Variants in PDE10A observed in about 807,000 individuals in gnomAD.
PDE10A encodes the protein phosphodiesterase 10A, also known as cAMP and cAMP-inhibited cGMP 3',5'-cyclic phosphodiesterase 10A.
Under a neutral mutation model 97.7 loss-of-function variants are expected in PDE10A, and 39 were observed. That is an observed-to-expected ratio of 0.40 (90% confidence interval 0.31 to 0.52). PDE10A has a LOEUF of 0.52. Ranked by LOEUF, PDE10A falls within the 20% of genes least tolerant of loss-of-function variation. The probability of loss-of-function intolerance (pLI) is 0.56; values close to 1 mark genes in which losing one functional copy is unlikely to be tolerated. For synonymous variants in PDE10A, 371 were observed against 376.8 expected (o/e 0.98, Z 0.18); for missense variants, 731 against 1,047.8 (o/e 0.70, Z 4.17).
At chr6:165,619,659 A>ATAGTGTAGTG (rs1296539898) in intron 1 of PDE10A, among the ~76,000 whole-genome samples, 19,041 of 63,058 alleles carry the variant, frequency 0.3, 2,873 homozygotes, top group African/African-American at 0.48. Flanking sequence ...CTAGTGTAGT[A>ATAGTGTAGTG]TAGTCTAGTG....
chr6:165,983,921 A>C (rs998843967), intron 1 of PDE10A, among the ~76,000 whole-genome samples: 1 of 152,250 alleles, frequency 6.6e-6, no homozygotes, highest in Non-Finnish European at 1.5e-5. Flanking sequence ...GAAAGCGTGC[A>C]CAGCCGTGTA....
In PDE10A at chr6:165,884,461, C is replaced by T. The variant is rs148070323; in HGVS notation, c.-615+103068G>A. Among the ~76,000 whole-genome samples, 37 of 152,278 alleles carry T rather than the reference C, an allele frequency of 2.4e-4. No homozygotes were observed. In the East Asian group the frequency reaches 7.0e-3, roughly 29 times the overall value. On this transcript the variant is annotated intron_variant, in intron 1 of 19. Coordinates refer to the PDE10A transcript ENST00000366882. ...GGACACAGACAGTTCAGTGACTCACCCAAAGTCCCAGAACCCTCGAGTGGC... is the reference window on the plus strand; with the variant it reads ...GGACACAGACAGTTCAGTGACTCACTCAAAGTCCCAGAACCCTCGAGTGGC...
At chr6:165,847,205 T>G (rs1480791960) in intron 1 of PDE10A, among the ~76,000 whole-genome samples, 1 of 152,190 alleles carries the variant, frequency 6.6e-6, no homozygotes, top group East Asian at 1.9e-4. Flanking sequence ...GTGGCTGAGT[T>G]AGTCCTGAGG....
At chr6:165,707,567 G>A (rs1791745498) in intron 1 of PDE10A, among the ~76,000 whole-genome samples, 1 of 152,164 alleles carries the variant, frequency 6.6e-6, no homozygotes, top group Non-Finnish European at 1.5e-5. Flanking sequence ...CCCTGGAACT[G>A]GACATGCTTG....
At chr6:165,867,769 T>C (rs1366685941) in intron 1 of PDE10A, among the ~76,000 whole-genome samples, 3 of 152,092 alleles carry the variant, frequency 2.0e-5, no homozygotes, top group South Asian at 4.1e-4. Flanking sequence ...ACAGACCATA[T>C]GTTAGGCTGT....
At chr6:165,465,806 G>A (rs373115634) in intron 3 of PDE10A, among the ~76,000 whole-genome samples, 2 of 152,154 alleles carry the variant, frequency 1.3e-5, no homozygotes, top group African/African-American at 4.8e-5. Flanking sequence ...CTTGACACAT[G>A]GGGATTATTA....
rs563731901 is a variant in PDE10A, at chr6:165,685,707, A to G, written c.-614-142139T>C. ...AAAGAAACTCCACAGAGGACCATCC[A>G]CAATGCCTGACCTGGGGTGAGCCCA... On this transcript the variant is annotated intron_variant, in intron 1 of 19. Transcript: ENST00000366882. Among the ~76,000 whole-genome samples, 3 of 152,270 alleles carry G rather than the reference A, an allele frequency of 2.0e-5. No individual in the cohort carries two copies. The South Asian group carries it at 6.2e-4, about 32-fold the overall frequency.
chr6:165,463,675 G>GCCC (rs141516506), intron 3 of PDE10A, among the ~76,000 whole-genome samples: 1 of 151,706 alleles, frequency 6.6e-6, no homozygotes, highest in Non-Finnish European at 1.5e-5. Flanking sequence ...TTGGGAATAA[G>GCCC]CCCCCCCCAA....
At chr6:165,358,264 A>G (rs913669550) in intron 18 of PDE10A, among the ~76,000 whole-genome samples, 5 of 152,114 alleles carry the variant, frequency 3.3e-5, no homozygotes, top group Non-Finnish European at 7.4e-5. Flanking sequence ...ACTTTTACAT[A>G]GTTCTTCTGT....
At chr6:165,891,887 C>T (rs1227653346) in intron 1 of PDE10A, among the ~76,000 whole-genome samples, 2 of 151,956 alleles carry the variant, frequency 1.3e-5, no homozygotes, top group Non-Finnish European at 2.9e-5. Flanking sequence ...CCTTCGTGAT[C>T]ACCCCCATAA....
chr6:165,956,308 G>C (rs1784133054), intron 1 of PDE10A, among the ~76,000 whole-genome samples: 1 of 152,138 alleles, frequency 6.6e-6, no homozygotes. Context: ...TCAAGAGAAG[G>C]AATCAATGCC....
At chr6:165,556,002 G>A (rs535749827) in intron 1 of PDE10A, among the ~76,000 whole-genome samples, 11 of 151,864 alleles carry the variant, frequency 7.2e-5, no homozygotes, top group South Asian at 4.1e-4. Context: ...ACTTGCAGAC[G>A]AACTGCATAG....
chr6:165,786,076 G>A (rs939896575), intron 1 of PDE10A, among the ~76,000 whole-genome samples: 5 of 152,222 alleles, frequency 3.3e-5, no homozygotes, highest in African/African-American at 9.6e-5. Context: ...CCTGAACGAT[G>A]TATTCCAGAA....
intron 1 of PDE10A, among the ~76,000 whole-genome samples, chr6:165,601,654 C>A (rs1016392933): frequency 6.6e-6 from 1 of 152,156 alleles, no homozygotes; most frequent in Admixed American, 6.5e-5. Context: ...AACTTGCTAA[C>A]AGGTAACTAC....
chr6:165,621,498 CTGTAAT>C (rs1788132487), intron 1 of PDE10A, among the ~76,000 whole-genome samples: 1 of 152,134 alleles, frequency 6.6e-6, no homozygotes, highest in African/African-American at 2.4e-5. Flanking sequence ...TGGCTCACGC[CTGTAAT>C]CCCAGCACTT....
intron 1 of PDE10A, among the ~76,000 whole-genome samples, chr6:165,796,162 C>G (rs1442018393): frequency 7.6e-6 from 1 of 130,902 alleles, no homozygotes; most frequent in Admixed American, 9.4e-5. Flanking sequence ...GTGCCGCAAT[C>G]TCGGCTCACT....
rs1790373373 is a variant in PDE10A at position 165,663,045 on chromosome 6, C to T, written c.-234G>A. 6.6e-6 allele frequency among the ~76,000 whole-genome samples: 1 copy of T among 151,296 alleles called. No individual in the cohort carries two copies. Among genetic ancestry groups the T allele is most frequent in the Non-Finnish European group, 1.5e-5 (1 of 67,722 alleles). ...GCCAGGCCCCGGCGACGGCGCCTGG[C>T]TACCCTCAGGCGCGCACAATCGGCG... On this transcript the variant is annotated 5_prime_UTR_variant, in exon 1 of 22. Transcript: ENST00000539869.
Position 165,655,115 on chromosome 6 carries a change from C to G in PDE10A, c.865+6832G>C, listed in dbSNP as rs532994560. ...TCGCGTGTCAAACTTCAGCCAGGCA[C>G]TTACATTGCACCCAGCTATGGTTGA... On this transcript the variant is annotated intron_variant, in intron 1 of 21. Coordinates refer to ENST00000539869, the MANE Select transcript of PDE10A (RefSeq NM_001385079.1). The surrounding 1 kb of genome is among the most constrained non-coding windows in gnomAD (Gnocchi z 4.5). 3.3e-5 allele frequency among the ~76,000 whole-genome samples: 5 copies of G among 152,288 alleles called. 1 individual carries two copies. In the South Asian group the frequency reaches 1.0e-3, roughly 32 times the overall value.
intron 1 of PDE10A, among the ~76,000 whole-genome samples, chr6:165,981,101 T>C (rs943554812): frequency 1.3e-5 from 2 of 152,160 alleles, no homozygotes; most frequent in Non-Finnish European, 2.9e-5. Flanking sequence ...GAGCAAGAGT[T>C]GGCAAACAGA....
Sources: allele counts gnomAD v4.1 joint callset (sites outside exome capture counted in the v4.1 genomes callset), GRCh38; gene constraint gnomAD v4.1.1; non-coding constraint Gnocchi (gnomAD v3.1); transcripts MANE v1.5; gene names NCBI Gene and HGNC (gene_info 2026-07-23, HGNC 2026-07-21).